The following PLD5 variants were observed in gnomAD, a reference collection of about 807,000 sequenced individuals.
PLD5 encodes the protein inactive phospholipase D5.
PLD5 carries 36 observed loss-of-function variants against 61.1 expected under a neutral mutation model. The ratio of observed to expected loss-of-function variants is 0.59; its 90% CI spans 0.45 to 0.78. The LOEUF (loss-of-function observed/expected upper bound fraction) is 0.78. PLD5 is among the 30% of genes least tolerant of loss of function. The pLI, the probability that PLD5 is intolerant of heterozygous loss-of-function variation, is 0.00. For missense variants in PLD5, 515 were observed against 644.4 expected, an observed-to-expected ratio of 0.80 and a Z score of 2.17; for synonymous variants, 243 against 242.8, an observed-to-expected ratio of 1.00 and a Z score of -0.01.
chr1:242,127,136 CAAAAAATA>C (rs968289073), intron 5 of PLD5, among the ~76,000 whole-genome samples: 28 of 152,016 alleles, frequency 1.8e-4, no homozygotes, highest in African/African-American at 6.8e-4. Context: ...TGGCTATAAT[CAAAAAATA>C]AAAAAATAAT....
chr1:242,234,691 C>T (rs1347928267), intron 4 of PLD5, among the ~76,000 whole-genome samples: 1 of 152,078 alleles, frequency 6.6e-6, no homozygotes, highest in African/African-American at 2.4e-5. Context: ...ACAAGAGTGG[C>T]ACGTGCTCAC....
chr1:242,168,009 C>T (rs574748903), intron 5 of PLD5, among the ~76,000 whole-genome samples: 3 of 152,240 alleles, frequency 2.0e-5, no homozygotes, highest in Non-Finnish European at 4.4e-5. Flanking sequence ...TGCTGAGGTG[C>T]CACTGCAAAT....
intron 2 of PLD5, among the ~76,000 whole-genome samples, chr1:242,320,188 T>C (rs551845513): frequency 4.9e-4 from 74 of 152,348 alleles, no homozygotes; most frequent in African/African-American, 1.7e-3. Flanking sequence ...TACAAAAAAA[T>C]TAACATCCAT....
chr1:242,449,454 AATGTTTC>A (rs1666693302), intron 1 of PLD5: 1 of 1,534,962 alleles, frequency 6.5e-7, no homozygotes, highest in Admixed American at 2.0e-5. Flanking sequence ...AGAGGCAGAG[AATGTTTC>A]ATGTGGCACA....
At chr1:242,155,467 G>T (rs1287356427) in intron 5 of PLD5, among the ~76,000 whole-genome samples, 3 of 152,030 alleles carry the variant, frequency 2.0e-5, no homozygotes, top group African/African-American at 7.2e-5. Context: ...GATCTTTCCT[G>T]CTTTCTCTTG....
intron 4 of PLD5, among the ~76,000 whole-genome samples, chr1:242,264,016 C>G (rs1490439015): frequency 6.6e-6 from 1 of 151,904 alleles, no homozygotes; most frequent in Admixed American, 6.6e-5. Flanking sequence ...TTTATCCTGC[C>G]AGGATAATCA....
At chr1:242,163,243 A>C (rs552248445) in intron 5 of PLD5, among the ~76,000 whole-genome samples, 37 of 148,248 alleles carry the variant, frequency 2.5e-4, no homozygotes, top group African/African-American at 9.6e-4. Context: ...TCCCGGGTTC[A>C]TGCCATTCTC....
chr1:242,412,311 A>T (rs887719088), intron 1 of PLD5, among the ~76,000 whole-genome samples: 1 of 152,158 alleles, frequency 6.6e-6, no homozygotes, highest in Non-Finnish European at 1.5e-5. Context: ...TTGGTCAAGA[A>T]GGTGTCCATT....
At chr1:242,267,895 A>G (rs1673795041) in intron 3 of PLD5, among the ~76,000 whole-genome samples, 1 of 151,688 alleles carries the variant, frequency 6.6e-6, no homozygotes, top group Admixed American at 6.6e-5. Context: ...AATTAAAAAA[A>G]AAAAAAAAGA....
At chr1:242,142,058 T>C (rs747609322) in intron 5 of PLD5, among the ~76,000 whole-genome samples, 5 of 152,216 alleles carry the variant, frequency 3.3e-5, no homozygotes, top group Non-Finnish European at 4.4e-5. Flanking sequence ...GAAGCCTGGA[T>C]CACAAGGACA....
intron 1 of PLD5, among the ~76,000 whole-genome samples, chr1:242,512,047 G>T (rs1668927082): frequency 6.6e-6 from 1 of 152,092 alleles, no homozygotes; most frequent in Non-Finnish European, 1.5e-5. Flanking sequence ...GGAAAACTTA[G>T]GAATCAGTTG....
At chr1:242,247,464 A>G (rs897584291) in intron 4 of PLD5, among the ~76,000 whole-genome samples, 2 of 152,216 alleles carry the variant, frequency 1.3e-5, no homozygotes, top group African/African-American at 2.4e-5. Flanking sequence ...ATGAGATTTT[A>G]TGGTTCACAG....
chr1:242,482,269 G>A (rs1024834660), intron 1 of PLD5, among the ~76,000 whole-genome samples: 2 of 152,136 alleles, frequency 1.3e-5, no homozygotes, highest in Non-Finnish European at 1.5e-5. Flanking sequence ...CAACCTAAAG[G>A]AGCAAGTTCG....
rs142113181 is a variant in PLD5, at chr1:242,504,779, A to G, written c.189+19309T>C. ...TTTTCCCAAATATTTTTTTTTAAAAAAACTAATTTTTCTTATTATTCTGAA... is the reference window on the plus strand; with the variant it reads ...TTTTCCCAAATATTTTTTTTTAAAAGAACTAATTTTTCTTATTATTCTGAA... On this transcript the variant is annotated intron_variant, in intron 1 of 9. Coordinates refer to ENST00000536534, the MANE Select transcript of PLD5 (RefSeq NM_001372062.1). Among the ~76,000 whole-genome samples the G allele has an allele frequency of 9.9e-4, 150 of 152,266 alleles. 2 individuals are homozygous for G. The highest frequency in any genetic ancestry group is 3.4e-3 in the African/African-American group (141 of 41,552).
chr1:242,517,771 T>A (rs1188480814), intron 1 of PLD5, among the ~76,000 whole-genome samples: 1 of 152,230 alleles, frequency 6.6e-6, no homozygotes, highest in Non-Finnish European at 1.5e-5. Flanking sequence ...ACATTGTTAA[T>A]AACACAGTAT....
intron 2 of PLD5, among the ~76,000 whole-genome samples, chr1:242,327,813 C>G: frequency 6.6e-6 from 1 of 152,220 alleles, no homozygotes; most frequent in African/African-American, 2.4e-5. Flanking sequence ...TATCAAGAAC[C>G]AGGCACAGTG....
intron 1 of PLD5, among the ~76,000 whole-genome samples, chr1:242,513,588 G>T (rs560969042): frequency 6.6e-6 from 1 of 152,196 alleles, no homozygotes; most frequent in Non-Finnish European, 1.5e-5. Context: ...TAAGTAACCC[G>T]AGGCCAAAGG....
At chr1:242,093,390 AC>A (rs1044194601) in intron 9 of PLD5, among the ~76,000 whole-genome samples, 7 of 152,150 alleles carry the variant, frequency 4.6e-5, no homozygotes, top group African/African-American at 1.4e-4. Flanking sequence ...TGGATATGAC[AC>A]TAAACTCTCA....
At chr1:242,526,461 G>T (rs1056324491), upstream of PLD5, among the ~76,000 whole-genome samples, 1 of 152,146 alleles carries the variant, frequency 6.6e-6, no homozygotes, top group Non-Finnish European at 1.5e-5. Context: ...TTTTGAGATG[G>T]AGTCTCGCTC....
Sources: allele counts gnomAD v4.1 joint callset (sites outside exome capture counted in the v4.1 genomes callset), GRCh38; gene constraint gnomAD v4.1.1; transcripts MANE v1.5; gene names NCBI Gene and HGNC (gene_info 2026-07-23, HGNC 2026-07-21).